The following FRMD4A variants were observed in gnomAD, a reference collection of about 807,000 sequenced individuals.
The protein encoded by FRMD4A is FERM domain-containing protein 4A.
In FRMD4A, 29 loss-of-function variants were observed where a neutral mutation model predicts 129.1. The observed-to-expected ratio is 0.22, with a 90% CI of 0.17 to 0.31. FRMD4A has a LOEUF of 0.31. FRMD4A is among the 10% of genes least tolerant of loss of function. The probability of loss-of-function intolerance (pLI) is 1.00; values close to 1 mark genes in which losing one functional copy is unlikely to be tolerated. For synonymous variants in FRMD4A, 634 were observed against 571.6 expected, an observed-to-expected ratio of 1.11 and a Z score of -1.56; for missense variants, 1,272 against 1,375.8, an observed-to-expected ratio of 0.92 and a Z score of 1.19.
At chr10:14,133,275 A>T (rs1456767373) in intron 2 of FRMD4A, among the ~76,000 whole-genome samples, 6 of 152,226 alleles carry the variant, frequency 3.9e-5, no homozygotes, top group Non-Finnish European at 8.8e-5. Flanking sequence ...GGCTTTAAAT[A>T]TAAAGCTGGT....
rs2081051208 is a variant in FRMD4A, at chr10:13,645,292, T to G, written c.*1746A>C. 6.6e-6 allele frequency: 1 copy of G among 151,944 alleles called. No individual in the cohort carries two copies. Among genetic ancestry groups the G allele is most frequent in the South Asian group, 2.1e-4 (1 of 4,818 alleles). The allele number at this position is 151,944 out of a possible 1,614,324, so 9.4% of individuals were successfully genotyped here. A position where few individuals can be genotyped will look rare whatever the true frequency, so the allele number is the denominator to read the frequency against. On this transcript the variant is annotated 3_prime_UTR_variant, in exon 25 of 25. Transcript: ENST00000357447. ...CTTTCCCACAAAACTACCCCCACCC[T>G]GGCTCCTGTCCCTGGCTGTCAATGC...
chr10:14,252,166 T>C (rs1844462743), intron 2 of FRMD4A, among the ~76,000 whole-genome samples: 1 of 152,232 alleles, frequency 6.6e-6, no homozygotes, highest in African/African-American at 2.4e-5. Context: ...CTCTTTCTCC[T>C]TTCCTCTCCT....
chr10:14,186,105 A>G (rs1366240584), intron 2 of FRMD4A, among the ~76,000 whole-genome samples: 2 of 152,106 alleles, frequency 1.3e-5, no homozygotes, highest in Non-Finnish European at 1.5e-5. Context: ...ACCAATGACT[A>G]ACAGAATTTA....
intron 15 of FRMD4A, among the ~76,000 whole-genome samples, chr10:13,686,649 G>C (rs11258520): frequency 1.3e-4 from 20 of 152,128 alleles, no homozygotes; most frequent in Non-Finnish European, 2.6e-4. Context: ...TTAAACCCAA[G>C]ATCCATCACC....
At chr10:13,716,472 C>G (rs1185551253) in intron 12 of FRMD4A, among the ~76,000 whole-genome samples, 1 of 152,178 alleles carries the variant, frequency 6.6e-6, no homozygotes, top group Non-Finnish European at 1.5e-5. Flanking sequence ...AGGCATCTAT[C>G]TTCTTCAGAG....
chr10:13,939,633 T>C (rs1414946822), intron 2 of FRMD4A, among the ~76,000 whole-genome samples: 2 of 152,232 alleles, frequency 1.3e-5, no homozygotes, highest in African/African-American at 2.4e-5. Context: ...TCTAATTTAA[T>C]AGCAGGCATG....
chr10:13,700,817 T>C (rs1272866189), intron 14 of FRMD4A, among the ~76,000 whole-genome samples: 3 of 83,028 alleles, frequency 3.6e-5, no homozygotes, highest in African/African-American at 1.3e-4. Flanking sequence ...AACAGGGTAG[T>C]TGCTTTTTTT....
intron 2 of FRMD4A, among the ~76,000 whole-genome samples, chr10:14,254,307 T>G (rs1844536570): frequency 6.6e-6 from 1 of 152,232 alleles, no homozygotes; most frequent in African/African-American, 2.4e-5. Context: ...ATGCATCTAT[T>G]GAGGATGATA....
At chr10:13,924,441 A>G (rs1157094839) in intron 2 of FRMD4A, among the ~76,000 whole-genome samples, 1 of 148,760 alleles carries the variant, frequency 6.7e-6, no homozygotes, top group Non-Finnish European at 1.5e-5. Flanking sequence ...CAGAAAAGCC[A>G]TGCTCCCACC....
At chr10:14,305,219 G>A (rs150962605) in intron 2 of FRMD4A, among the ~76,000 whole-genome samples, 7 of 152,268 alleles carry the variant, frequency 4.6e-5, no homozygotes, top group East Asian at 1.9e-4. Flanking sequence ...GGGAACCTGT[G>A]CTTTTTCCTT....
chr10:13,961,539 A>G (rs1338727066), intron 2 of FRMD4A, among the ~76,000 whole-genome samples: 1 of 152,232 alleles, frequency 6.6e-6, no homozygotes, highest in Non-Finnish European at 1.5e-5. Flanking sequence ...TTGTCCTCCC[A>G]TCTGCCATAG....
Position 13,799,098 on chromosome 10 carries a change from G to A in FRMD4A, c.207-2510C>T, listed in dbSNP as rs149456096. On this transcript the variant is annotated intron_variant, in intron 4 of 24. Coordinates refer to ENST00000357447, the MANE Select transcript of FRMD4A (RefSeq NM_018027.5). ...CCACCCTAGGGGCTCACCCATTTCT[G>A]CACTTCCCAGTCTACAGAACTTGCT... Among the ~76,000 whole-genome samples the A allele has an allele frequency of 4.9e-3, 751 of 152,300 alleles. 29 individuals carry two copies. In the East Asian group the frequency reaches 0.075, roughly 15 times the overall value.
At chr10:14,001,135 G>C (rs976938900) in intron 2 of FRMD4A, among the ~76,000 whole-genome samples, 1 of 151,992 alleles carries the variant, frequency 6.6e-6, no homozygotes, top group Admixed American at 6.6e-5. Context: ...ATTTCCTTGG[G>C]GCAGCTGTTC....
chr10:14,221,919 G>A (rs1843275229), intron 2 of FRMD4A, among the ~76,000 whole-genome samples: 1 of 152,094 alleles, frequency 6.6e-6, no homozygotes, highest in South Asian at 2.1e-4. Context: ...TGGGTAGTGA[G>A]GCCCCAGTTT....
chr10:13,724,740 GT>G (rs964750258), intron 12 of FRMD4A, among the ~76,000 whole-genome samples: 19 of 152,198 alleles, frequency 1.2e-4, no homozygotes, highest in Non-Finnish European at 2.6e-4. Context: ...CAAGTGTTGT[GT>G]TTGACCCCTA....
intron 2 of FRMD4A, chr10:13,971,715 T>C (rs1458802439): frequency 7.7e-7 from 1 of 1,304,328 alleles, no homozygotes; most frequent in East Asian, 5.6e-5. Flanking sequence ...ACTCGAATGT[T>C]CCTCACTTGG....
intron 3 of FRMD4A, among the ~76,000 whole-genome samples, chr10:13,818,341 AT>A (rs1554916835): frequency 8.6e-5 from 13 of 151,320 alleles, no homozygotes; most frequent in Non-Finnish European, 1.2e-4. Context: ...TTAAAAAAAA[AT>A]TTTTTTTTGT....
chr10:14,202,325 G>T (rs1842661921), intron 2 of FRMD4A, among the ~76,000 whole-genome samples: 1 of 152,166 alleles, frequency 6.6e-6, no homozygotes, highest in Non-Finnish European at 1.5e-5. Context: ...ACACAGAAAA[G>T]CCTCTTTGGA....
chr10:13,960,436 CTG>C (rs2095439272), intron 2 of FRMD4A, among the ~76,000 whole-genome samples: 1 of 152,184 alleles, frequency 6.6e-6, no homozygotes, highest in Non-Finnish European at 1.5e-5. Context: ...AAATTGATAA[CTG>C]TGACTGAACA....
Sources: allele counts gnomAD v4.1 joint callset (sites outside exome capture counted in the v4.1 genomes callset), GRCh38; gene constraint gnomAD v4.1.1; transcripts MANE v1.5; gene names NCBI Gene and HGNC (gene_info 2026-07-23, HGNC 2026-07-21).